FOXO1: variants seen among roughly 807,000 people sequenced by gnomAD.
FOXO1 encodes forkhead box protein O1.
A neutral mutation model predicts 44.1 loss-of-function variants in FOXO1; 6 were observed. The observed-to-expected ratio is 0.14, with a 90% CI of 0.07 to 0.27. The LOEUF (loss-of-function observed/expected upper bound fraction) is 0.27. FOXO1 is among the 10% of genes least tolerant of loss of function. The probability of loss-of-function intolerance (pLI) is 1.00; values close to 1 mark genes in which losing one functional copy is unlikely to be tolerated. For missense variants in FOXO1, 737 were observed against 888.8 expected (o/e 0.83, Z 2.17); for synonymous variants, 380 against 362.7 (o/e 1.05, Z -0.54).
intron 1 of FOXO1, among the ~76,000 whole-genome samples, chr13:40,630,422 A>G (rs754592266): frequency 2.0e-5 from 3 of 152,178 alleles, no homozygotes; most frequent in Non-Finnish European, 4.4e-5. Context: ...TGGGAGGCCA[A>G]GGTGGCAGAT....
rs1878267810 is a variant in FOXO1, at chr13:40,666,583, G to C, written c.-371C>G. The stretch of plus-strand genomic sequence containing the variant: ...CGCGCCCGCTGCGCTGCTGCCTGTT[G>C]AATGTGGCGGCTGCGGCAGCGGCTG... On this transcript the variant is annotated 5_prime_UTR_variant, in exon 1 of 3. Transcript: ENST00000379561. 4.7e-6 allele frequency: 1 copy of C among 214,732 alleles called. No individual in the cohort carries two copies. Among genetic ancestry groups the C allele is most frequent in the East Asian group, 7.1e-5 (1 of 14,136 alleles). The allele number at this position is 214,732 out of a possible 1,614,324, so 13.3% of individuals were successfully genotyped here.
chr13:40,561,643 C>T (rs1008350994), intron 1 of FOXO1, among the ~76,000 whole-genome samples: 48 of 151,356 alleles, frequency 3.2e-4, no homozygotes, highest in African/African-American at 1.2e-3. Context: ...CTTACAGAAA[C>T]AAAAAAGACA....
At chr13:40,600,912 G>A (rs1206969904) in intron 1 of FOXO1, among the ~76,000 whole-genome samples, 2 of 152,122 alleles carry the variant, frequency 1.3e-5, no homozygotes, top group Non-Finnish European at 2.9e-5. Context: ...CCAATCAACA[G>A]GGGTCTTTCC....
intron 1 of FOXO1, among the ~76,000 whole-genome samples, chr13:40,578,891 T>C (rs994987471): frequency 4.9e-4 from 74 of 152,170 alleles, no homozygotes; most frequent in African/African-American, 1.7e-3. Flanking sequence ...CACATACACA[T>C]TTCTTTGCCC....
At chr13:40,654,205 C>G (rs1877778586) in intron 1 of FOXO1, among the ~76,000 whole-genome samples, 1 of 151,144 alleles carries the variant, frequency 6.6e-6, no homozygotes, top group African/African-American at 2.4e-5. Context: ...TGACCAGGCT[C>G]GGTGGCTCAT....
chr13:40,666,178 G>A lies in FOXO1; in HGVS notation c.35C>T (p.Pro12Leu), dbSNP rs773597669. ...CGGCCGGGGCAGCGGCTCGAAGTCC[G>A]GGTCGATCTCCACCACCTGAGGCGC... ...AEAPQVVEID[P>L]DFEPLPRPRS... is the part of the protein sequence containing the mutation. Residue 12 changes from proline to leucine, a missense_variant, in exon 1 of 3, where the codon CCG (proline) becomes CTG (leucine). Physicochemically the swap from Pro to Leu is moderately conservative, Grantham distance 98. Transcript: ENST00000379561. The A allele has an allele frequency of 6.9e-7, 1 of 1,457,012 alleles. No homozygotes were observed. The highest frequency in any genetic ancestry group is 9.0e-7 in the Non-Finnish European group (1 of 1,107,352). The allele number at this position is 1,457,012 out of a possible 1,614,324, so 90.3% of individuals were successfully genotyped here. A position where few individuals can be genotyped will look rare whatever the true frequency, so the allele number is the denominator to read the frequency against.
intron 1 of FOXO1, among the ~76,000 whole-genome samples, chr13:40,638,318 T>C (rs774951499): frequency 8.5e-5 from 13 of 152,128 alleles, no homozygotes; most frequent in Admixed American, 1.3e-4. Context: ...CATAAGGAGA[T>C]AACTTATAGA....
intron 1 of FOXO1, among the ~76,000 whole-genome samples, chr13:40,578,860 G>A (rs911983387): frequency 1.6e-4 from 24 of 152,294 alleles, no homozygotes; most frequent in Non-Finnish European, 2.9e-4. Flanking sequence ...TCACATGCAT[G>A]CACATGCACA....
chr13:40,584,298 C>T (rs1875066619), intron 1 of FOXO1, among the ~76,000 whole-genome samples: 1 of 151,748 alleles, frequency 6.6e-6, no homozygotes, highest in Non-Finnish European at 1.5e-5. Flanking sequence ...AAACTGCCCC[C>T]ACTCACCTAC....
At chr13:40,601,292 T>A (rs1018152884) in intron 1 of FOXO1, among the ~76,000 whole-genome samples, 5 of 152,266 alleles carry the variant, frequency 3.3e-5, no homozygotes, top group East Asian at 3.8e-4. Flanking sequence ...GTGATTTTTA[T>A]GTGCTCAAGT....
intron 1 of FOXO1, 93 bp downstream of exon 1, chr13:40,665,490 C>T (rs1399736056): frequency 1.8e-6 from 2 of 1,131,784 alleles, no homozygotes; most frequent in Non-Finnish European, 2.3e-6. Context: ...TGCCCTCCTG[C>T]TCCGCACCTT....
intron 1 of FOXO1, chr13:40,611,046 G>C (rs1355756714): frequency 2.2e-6 from 1 of 456,218 alleles, no homozygotes; most frequent in Non-Finnish European, 4.4e-6. Flanking sequence ...AACTGAACGT[G>C]AGGAGAAAAG....
chr13:40,621,835 T>C (rs554829424), intron 1 of FOXO1, among the ~76,000 whole-genome samples: 2 of 152,338 alleles, frequency 1.3e-5, no homozygotes, highest in African/African-American at 4.8e-5. Context: ...TTTGAAATGT[T>C]AAATTTAATA....
chr13:40,652,578 G>A (rs2137935145), intron 1 of FOXO1, among the ~76,000 whole-genome samples: 1 of 152,200 alleles, frequency 6.6e-6, no homozygotes, highest in South Asian at 2.1e-4. Flanking sequence ...AGCTCATGAA[G>A]GCACATCATC....
In FOXO1 at chr13:40,584,118, AC is replaced by A. The variant is rs145797003; in HGVS notation, c.631-23259del. Among the ~76,000 whole-genome samples, 581 of 152,270 alleles carry A rather than the reference AC, an allele frequency of 3.8e-3. 15 individuals carry two copies. The East Asian group carries it at 0.09, about 24-fold the overall frequency. ...ATGGCAGGTTGGTGGAGCAGTGAGA[AC>A]AAACATTTATCAGTTAAGTTTGCAG... On this transcript the variant is annotated intron_variant, in intron 1 of 2. Transcript: ENST00000379561.
intron 1 of FOXO1, among the ~76,000 whole-genome samples, chr13:40,658,567 A>AG (rs1405260075): frequency 6.6e-6 from 1 of 152,222 alleles, no homozygotes; most frequent in Non-Finnish European, 1.5e-5. Context: ...AAAATACCAG[A>AG]GAAAAAGTCC....
intron 1 of FOXO1, among the ~76,000 whole-genome samples, chr13:40,644,081 G>A (rs1341128175): frequency 3.3e-5 from 5 of 152,290 alleles, no homozygotes; most frequent in South Asian, 2.1e-4. Flanking sequence ...TCATTCTGAC[G>A]TGACCCCAAC....
chr13:40,560,264 T>C lies in FOXO1; in HGVS notation c.1227A>G (p.Pro409=), dbSNP rs768256212. The C allele has an allele frequency of 1.1e-5, 17 of 1,614,164 alleles. No homozygotes were observed. In the South Asian group the frequency reaches 1.8e-4, roughly 17 times the overall value. The change falls in exon 2 of 3, where the codon CCA becomes CCG. Residue 409 remains proline (P), a synonymous_variant. Coordinates refer to ENST00000379561, the MANE Select transcript of FOXO1 (RefSeq NM_002015.4). The surrounding 1 kb of genome is among the most constrained non-coding windows in gnomAD (Gnocchi z 5.1). ...MQQTPCYSFA[P]PNTSLNSPSP... is the part of the protein sequence containing the mutation. ...TGGGTGAATTCAAACTGGTGTTTGG[T>C]GGCGCAAACGAGTAGCACGGCGTCT...
chr13:40,583,987 T>C (rs1240147176), intron 1 of FOXO1, among the ~76,000 whole-genome samples: 1 of 152,164 alleles, frequency 6.6e-6, no homozygotes, highest in Non-Finnish European at 1.5e-5. Flanking sequence ...TGACTCTTCC[T>C]TTTATTTGAA....
Sources: gnomAD v4.1 joint callset for allele counts (sites outside exome capture counted in the v4.1 genomes callset) on GRCh38, gnomAD v4.1.1 for gene constraint, Gnocchi (gnomAD v3.1) non-coding constraint, MANE v1.5 for transcripts, NCBI Gene and HGNC (gene_info 2026-07-23, HGNC 2026-07-21) for gene names.